Variants in GRK5 observed in about 807,000 individuals in gnomAD.
The protein encoded by GRK5 is g protein-coupled receptor kinase GRK5.
In GRK5, 40 loss-of-function variants were observed where a neutral mutation model predicts 78.4. The observed-to-expected ratio is 0.51, with a 90% CI of 0.40 to 0.66. The LOEUF (loss-of-function observed/expected upper bound fraction) is 0.66, where lower values mean the gene tolerates loss of function less well. Among genes scored for constraint, GRK5 ranks in the 30% least tolerant of loss-of-function variants. The pLI is 0.00. For missense variants in GRK5, 598 were observed against 759.9 expected, an observed-to-expected ratio of 0.79 and a Z score of 2.50; for synonymous variants, 289 against 296.8, an observed-to-expected ratio of 0.97 and a Z score of 0.27.
At chr10:119,362,203 G>T (rs554832672) in intron 2 of GRK5, among the ~76,000 whole-genome samples, 42 of 152,338 alleles carry the variant, frequency 2.8e-4, no homozygotes, top group Middle Eastern at 3.4e-3. Context: ...AAGATTGGCT[G>T]GAGGTGTGCC....
intron 4 of GRK5, among the ~76,000 whole-genome samples, chr10:119,414,723 G>T (rs923975512): frequency 6.6e-6 from 1 of 152,138 alleles, no homozygotes; most frequent in African/African-American, 2.4e-5. Flanking sequence ...ATCTTAAGAA[G>T]ATCAAACAAG....
chr10:119,208,448 G>A (rs922599307), intron 1 of GRK5: 36 of 159,300 alleles, frequency 2.3e-4, no homozygotes, highest in Non-Finnish European at 4.5e-4. Context: ...ACCATCCGCT[G>A]GGATGTTTCT....
chr10:119,304,184 C>A (rs1850233392), intron 1 of GRK5, among the ~76,000 whole-genome samples: 5 of 151,790 alleles, frequency 3.3e-5, no homozygotes, highest in Admixed American at 3.3e-4. Flanking sequence ...GGCTGAAGGA[C>A]CAGAGCAGTG....
At chr10:119,252,316 C>T (rs1849217714) in intron 1 of GRK5, among the ~76,000 whole-genome samples, 2 of 152,200 alleles carry the variant, frequency 1.3e-5, no homozygotes, top group African/African-American at 4.8e-5. Context: ...TGTCTTGTTT[C>T]TCCTTTTGGA....
intron 1 of GRK5, among the ~76,000 whole-genome samples, chr10:119,295,576 G>T (rs1021210984): frequency 6.6e-6 from 1 of 152,016 alleles, no homozygotes; most frequent in Non-Finnish European, 1.5e-5. Flanking sequence ...TCAATGAGTA[G>T]ATAAAGAAAC....
At chr10:119,332,655 G>C (rs1015265167) in intron 2 of GRK5, among the ~76,000 whole-genome samples, 1 of 152,124 alleles carries the variant, frequency 6.6e-6, no homozygotes, top group Non-Finnish European at 1.5e-5. Flanking sequence ...TGGTCCTTTT[G>C]GCAGTGCCCT....
chr10:119,339,318 T>A (rs919331381), intron 2 of GRK5, among the ~76,000 whole-genome samples: 2 of 152,186 alleles, frequency 1.3e-5, no homozygotes, highest in African/African-American at 4.8e-5. Context: ...GTGACAGCGT[T>A]CTGCCCCATA....
At chr10:119,396,823 A>G (rs1252009563) in intron 4 of GRK5, 51 bp downstream of exon 4, 3 of 1,379,198 alleles carry the variant, frequency 2.2e-6, no homozygotes, top group East Asian at 2.3e-5. Flanking sequence ...GCCTTATGCA[A>G]AAATAGGAGC....
intron 1 of GRK5, among the ~76,000 whole-genome samples, chr10:119,229,497 G>T (rs969922792): frequency 6.6e-6 from 1 of 152,138 alleles, no homozygotes; most frequent in Non-Finnish European, 1.5e-5. Context: ...GCAGGGAGGG[G>T]TGCTTTAGCA....
chr10:119,245,109 C>T (rs530326993), intron 1 of GRK5, among the ~76,000 whole-genome samples: 77 of 152,226 alleles, frequency 5.1e-4, no homozygotes, highest in African/African-American at 1.8e-3. Context: ...AATCCCGTCT[C>T]TACTAAAAAT....
intron 1 of GRK5, among the ~76,000 whole-genome samples, chr10:119,281,701 C>A (rs1849766521): frequency 6.6e-6 from 1 of 152,160 alleles, no homozygotes; most frequent in Non-Finnish European, 1.5e-5. Flanking sequence ...TCTCTTGGGC[C>A]CCTGCCCATT....
chr10:119,266,785 T>C (rs1253417261), intron 1 of GRK5, among the ~76,000 whole-genome samples: 1 of 151,406 alleles, frequency 6.6e-6, no homozygotes, highest in Non-Finnish European at 1.5e-5. Context: ...TTTTTTTTTT[T>C]TTTTATGGAG....
intron 12 of GRK5, among the ~76,000 whole-genome samples, chr10:119,444,866 G>A (rs1251101126): frequency 6.6e-6 from 1 of 152,240 alleles, no homozygotes; most frequent in African/African-American, 2.4e-5. Flanking sequence ...AGTTTAGGAA[G>A]CAGCAGTCCT....
chr10:119,281,098 G>GTTTT (rs1849755703), intron 1 of GRK5, among the ~76,000 whole-genome samples: 1 of 151,336 alleles, frequency 6.6e-6, no homozygotes, highest in Non-Finnish European at 1.5e-5. Context: ...TTTCTGCAGG[G>GTTTT]TAAAGCCTCA....
At chr10:119,251,466 C>T (rs1849200516) in intron 1 of GRK5, among the ~76,000 whole-genome samples, 1 of 152,228 alleles carries the variant, frequency 6.6e-6, no homozygotes, top group Admixed American at 6.5e-5. Context: ...GGAGCTGTCT[C>T]CCGAAGCCTT....
chr10:119,410,303 C>T (rs546732451), intron 4 of GRK5, among the ~76,000 whole-genome samples: 72 of 152,334 alleles, frequency 4.7e-4, no homozygotes, highest in Middle Eastern at 6.8e-3. Flanking sequence ...ATTCTGCCAG[C>T]GTTTAAAGAT....
intron 1 of GRK5, among the ~76,000 whole-genome samples, chr10:119,302,992 C>G (rs934455333): frequency 6.6e-6 from 1 of 152,162 alleles, no homozygotes; most frequent in Non-Finnish European, 1.5e-5. Context: ...GTTGATGGAT[C>G]GAATATCTTG....
At chr10:119,235,912 A>C (rs969701185) in intron 1 of GRK5, among the ~76,000 whole-genome samples, 1 of 152,174 alleles carries the variant, frequency 6.6e-6, no homozygotes, top group African/African-American at 2.4e-5. Context: ...CCAAAGGCTA[A>C]TGGAGGTTTA....
At position 119,455,338 on chromosome 10, in the gene GRK5, A is replaced by C. The variant is rs1305057973; in HGVS notation, c.*271A>C. On this transcript the variant is annotated 3_prime_UTR_variant, in exon 16 of 16. Coordinates refer to ENST00000392870, the MANE Select transcript of GRK5 (RefSeq NM_005308.3). ...AATCCAATTGGATACGACAACTTGC[A>C]CGTATTTTAATAGCGTCATAACTAG... 9.3e-6 allele frequency: 6 copies of C among 646,436 alleles called. No individual in the cohort carries two copies. In the East Asian group the frequency reaches 1.2e-4, roughly 13 times the overall value. 40.0% of individuals were successfully genotyped at this position (646,436 alleles called of 1,614,324 possible).
Sources: allele counts gnomAD v4.1 joint callset (sites outside exome capture counted in the v4.1 genomes callset), GRCh38; gene constraint gnomAD v4.1.1; transcripts MANE v1.5; gene names NCBI Gene and HGNC (gene_info 2026-07-23, HGNC 2026-07-21).